Variants in SLA2 observed in about 807,000 individuals in gnomAD.
The protein encoded by SLA2 is src-like-adapter 2.
In SLA2, 22 loss-of-function variants were observed where a neutral mutation model predicts 27.3. The ratio of observed to expected loss-of-function variants is 0.81; its 90% CI spans 0.58 to 1.15. The LOEUF (loss-of-function observed/expected upper bound fraction) is 1.15, where lower values mean the gene tolerates loss of function less well. Among genes scored for constraint, SLA2 ranks in the 50% most tolerant of loss-of-function variants. SLA2 has a pLI of 0.00. For synonymous variants in SLA2, 131 were observed against 137.8 expected (o/e 0.95, Z 0.34); for missense variants, 304 against 322.2 (o/e 0.94, Z 0.43).
At chr20:36,626,174 A>G (rs1183154860) in intron 5 of SLA2, among the ~76,000 whole-genome samples, 2 of 152,078 alleles carry the variant, frequency 1.3e-5, no homozygotes, top group Admixed American at 1.3e-4. Context: ...TGGGTAGATC[A>G]CAAGGTCAAG....
At chr20:36,637,913 G>C (rs1209273770) in intron 2 of SLA2, among the ~76,000 whole-genome samples, 4 of 109,260 alleles carry the variant, frequency 3.7e-5, no homozygotes. Flanking sequence ...TTTTGAGACA[G>C]AGTCTCACAC....
In SLA2 at chr20:36,632,653, C is replaced by T. The variant is rs771632857; in HGVS notation, c.324G>A (p.Leu108=). ...GLSREKAEEL[L]LLPGNPGGAF... ...CCCCTCCAGGGTTCCCAGGTAACAA[C>T]AGCAGTTCCTCTGCTTTCTCCCTGC... The change falls in exon 5 of 8, where the codon CTG becomes CTA. Residue 108 remains leucine (L), a synonymous_variant. Transcript: ENST00000262866. 17 of 1,614,130 alleles carry T rather than the reference C, an allele frequency of 1.1e-5. No individual in the cohort carries two copies. The highest frequency in any genetic ancestry group is 1.4e-5 in the Non-Finnish European group (16 of 1,180,044).
At chr20:36,636,623 A>AAATATAC (rs1387991352) in intron 2 of SLA2, among the ~76,000 whole-genome samples, 6 of 114,712 alleles carry the variant, frequency 5.2e-5, no homozygotes, top group African/African-American at 2.4e-4. Flanking sequence ...AAAAAAAAAA[A>AAATATAC]ATATATATAT....
rs969149291 is a variant in SLA2 at position 36,613,806 on chromosome 20, A to C, written c.*60T>G. 1 of 1,134,336 alleles carries C rather than the reference A, an allele frequency of 8.8e-7. No homozygotes were observed. Among genetic ancestry groups the C allele is most frequent in the Non-Finnish European group, 1.2e-6 (1 of 849,934 alleles). 70.3% of individuals were successfully genotyped at this position (1,134,336 alleles called of 1,614,324 possible). A position where few individuals can be genotyped will look rare whatever the true frequency, so the allele number is the denominator to read the frequency against. ...CAGCCTTGCCTCTGGGGTGCCCAGG[A>C]GGCTGAATTGGGGTTCTAGGTGTGC... On this transcript the variant is annotated 3_prime_UTR_variant, in exon 8 of 8. Transcript: ENST00000262866.
intron 4 of SLA2, among the ~76,000 whole-genome samples, chr20:36,633,186 C>T (rs1338438981): frequency 6.6e-6 from 1 of 152,204 alleles, no homozygotes; most frequent in African/African-American, 2.4e-5. Flanking sequence ...ATCCTCCCAC[C>T]TCAGCCTCCC....
intron 5 of SLA2, among the ~76,000 whole-genome samples, chr20:36,631,434 G>A (rs1477864551): frequency 6.6e-6 from 1 of 152,190 alleles, no homozygotes; most frequent in Non-Finnish European, 1.5e-5. Flanking sequence ...GATTACAGGT[G>A]TGAGCCACAG....
Position 36,614,736 on chromosome 20 carries a change from C to A in SLA2, c.533-299G>T, listed in dbSNP as rs74496205. On this transcript the variant is annotated intron_variant, in intron 6 of 7. Coordinates refer to ENST00000262866, the MANE Select transcript of SLA2 (RefSeq NM_032214.4). ...AAGCTAAGGAATGCTCAGTCTACTT[C>A]TACTCACTGTCTACTTCCACACAGA... The A allele has an allele frequency of 1.2e-3, 1,186 of 985,366 alleles. 13 individuals are homozygous for A. In the African/African-American group the frequency reaches 0.02, roughly 16 times the overall value. 61.0% of individuals were successfully genotyped at this position (985,366 alleles called of 1,614,324 possible).
chr20:36,634,924 G>A (rs937664955), intron 2 of SLA2, among the ~76,000 whole-genome samples: 2 of 152,002 alleles, frequency 1.3e-5, no homozygotes, highest in African/African-American at 2.4e-5. Flanking sequence ...TTGACCTCCC[G>A]GGCTCAAATC....
intron 5 of SLA2, among the ~76,000 whole-genome samples, chr20:36,618,352 T>C (rs2039239345): frequency 6.6e-6 from 1 of 151,374 alleles, no homozygotes; most frequent in East Asian, 2.1e-4. Flanking sequence ...TTCTCCTGCC[T>C]CAGCTTCCCA....
intron 2 of SLA2, 130 bp from the exon 3 acceptor site, chr20:36,634,719 C>T (rs2039427282): frequency 1.9e-6 from 1 of 532,296 alleles, no homozygotes; most frequent in Non-Finnish European, 3.4e-6. Flanking sequence ...GTCCCATCCA[C>T]TTCCTAAGAG....
At chr20:36,616,527 G>T (rs1204242053) in intron 5 of SLA2, among the ~76,000 whole-genome samples, 1 of 151,914 alleles carries the variant, frequency 6.6e-6, no homozygotes, top group Non-Finnish European at 1.5e-5. Context: ...TAGAGACAGG[G>T]TTTCACCATA....
intron 5 of SLA2, among the ~76,000 whole-genome samples, chr20:36,631,804 C>T (rs1275828139): frequency 6.6e-6 from 1 of 152,234 alleles, no homozygotes; most frequent in East Asian, 1.9e-4. Flanking sequence ...TTCCCTGAAG[C>T]CTCCCCACAT....
intron 6 of SLA2, 86 bp from the exon 7 acceptor site, chr20:36,614,523 G>C (rs2039184692): frequency 1.3e-6 from 2 of 1,506,774 alleles, no homozygotes; most frequent in Non-Finnish European, 1.8e-6. Context: ...CTCTGCAGTT[G>C]GCAGGAGGGG....
intron 2 of SLA2, among the ~76,000 whole-genome samples, chr20:36,635,369 G>A (rs985348273): frequency 6.7e-6 from 1 of 149,988 alleles, no homozygotes; most frequent in African/African-American, 2.5e-5. Flanking sequence ...CTGCATCCTA[G>A]ATGCCCCTGT....
At chr20:36,640,708 G>A (rs1028898951) in intron 2 of SLA2, among the ~76,000 whole-genome samples, 2 of 152,016 alleles carry the variant, frequency 1.3e-5, no homozygotes, top group Non-Finnish European at 2.9e-5. Context: ...GTAGAGACGG[G>A]GTTTCACCAT....
intron 5 of SLA2, among the ~76,000 whole-genome samples, chr20:36,628,715 TAAA>T (rs111840158): frequency 1.3e-5 from 2 of 149,708 alleles, no homozygotes; most frequent in African/African-American, 5.0e-5. Context: ...CTAGCTAACT[TAAA>T]AAAAAATTTT....
intron 5 of SLA2, among the ~76,000 whole-genome samples, chr20:36,615,834 C>T (rs2039203306): frequency 6.6e-6 from 1 of 152,122 alleles, no homozygotes; most frequent in African/African-American, 2.4e-5. Context: ...CAGTTCTTCC[C>T]AGGCACAATA....
rs542070128 is a variant in SLA2, at chr20:36,629,396, C to T, written c.382+3199G>A. Among the ~76,000 whole-genome samples, 327 of 149,646 alleles carry T rather than the reference C, an allele frequency of 2.2e-3. 2 individuals are homozygous for T. Among genetic ancestry groups the T allele is most frequent in the African/African-American group, 7.8e-3 (316 of 40,624 alleles). On this transcript the variant is annotated intron_variant, in intron 5 of 7. Transcript: ENST00000262866. The stretch of plus-strand genomic sequence containing the variant: ...CCTGTATCCTAGCACTTTGGGAGGC[C>T]AAGGTGGGCGGATTATCTGAGGGTC...
rs192579762 is a variant in SLA2 at position 36,646,163 on chromosome 20, C to G, written c.-370G>C. On this transcript the variant is annotated 5_prime_UTR_variant, in exon 1 of 8. Transcript: ENST00000262866. ...CCCTTTGAGCTCTGTCACAGAGACACAGGCGTGGGGTCCTTGGAGCTCTAG... is the reference window on the plus strand; with the variant it reads ...CCCTTTGAGCTCTGTCACAGAGACAGAGGCGTGGGGTCCTTGGAGCTCTAG... 2.6e-5 allele frequency: 4 copies of G among 152,312 alleles called. No homozygotes were observed. Among genetic ancestry groups the G allele is most frequent in the Non-Finnish European group, 5.9e-5 (4 of 68,102 alleles). The allele number at this position is 152,312 out of a possible 1,614,324, so 9.4% of individuals were successfully genotyped here.
Sources: allele counts gnomAD v4.1 joint callset (sites outside exome capture counted in the v4.1 genomes callset), GRCh38; gene constraint gnomAD v4.1.1; transcripts MANE v1.5; gene names NCBI Gene and HGNC (gene_info 2026-07-23, HGNC 2026-07-21).